Variants in MCC observed in about 807,000 individuals in gnomAD.
MCC encodes the protein colorectal mutant cancer protein.
Under a neutral mutation model 116.2 loss-of-function variants are expected in MCC, and 90 were observed. The ratio of observed to expected loss-of-function variants is 0.77; its 90% CI spans 0.65 to 0.92. The LOEUF (loss-of-function observed/expected upper bound fraction) is 0.92, where lower values mean the gene tolerates loss of function less well. Among genes scored for constraint, MCC ranks in the 40% least tolerant of loss-of-function variants. The pLI, the probability that MCC is intolerant of heterozygous loss-of-function variation, is 0.00. For missense variants in MCC, 1,516 were observed against 1,312.2 expected, an observed-to-expected ratio of 1.16 and a Z score of -2.40; for synonymous variants, 578 against 510.5, an observed-to-expected ratio of 1.13 and a Z score of -1.78.
chr5:113,079,539 C>G (rs979700956), intron 11 of MCC, among the ~76,000 whole-genome samples: 11 of 152,084 alleles, frequency 7.2e-5, no homozygotes, highest in African/African-American at 2.7e-4. Context: ...ACAAACCTGC[C>G]AAAAACAAGA....
At chr5:113,093,982 A>C (rs1488355843) in intron 8 of MCC, among the ~76,000 whole-genome samples, 1 of 152,198 alleles carries the variant, frequency 6.6e-6, no homozygotes, top group Non-Finnish European at 1.5e-5. Context: ...GAATGGTGAG[A>C]ATCACTAGGC....
chr5:113,421,880 T>C (rs891201057), intron 1 of MCC, among the ~76,000 whole-genome samples: 3 of 152,220 alleles, frequency 2.0e-5, no homozygotes, highest in Non-Finnish European at 4.4e-5. Flanking sequence ...GATTTGCTAT[T>C]TTCTTCACCA....
At chr5:113,123,879 T>C (rs955021216) in intron 5 of MCC, among the ~76,000 whole-genome samples, 6 of 152,200 alleles carry the variant, frequency 3.9e-5, no homozygotes, top group Non-Finnish European at 8.8e-5. Context: ...AGCCTGGCAT[T>C]CATTTTAAGT....
chr5:113,071,466 T>C (rs578214092), intron 11 of MCC, among the ~76,000 whole-genome samples: 5 of 152,142 alleles, frequency 3.3e-5, no homozygotes, highest in African/African-American at 4.8e-5. Flanking sequence ...CCCCCAGCCA[T>C]TGCCACACTC....
intron 1 of MCC, among the ~76,000 whole-genome samples, chr5:113,402,156 T>C (rs997173756): frequency 2.6e-5 from 4 of 152,076 alleles, no homozygotes; most frequent in Admixed American, 2.6e-4. Flanking sequence ...TAGCCCGACG[T>C]AGTGGCAGGC....
At chr5:113,473,485 C>T (rs1294231139) in intron 1 of MCC, among the ~76,000 whole-genome samples, 1 of 152,122 alleles carries the variant, frequency 6.6e-6, no homozygotes, top group African/African-American at 2.4e-5. Flanking sequence ...AATCACACTA[C>T]TATGCTCTAT....
At chr5:113,323,393 C>T (rs929140540) in intron 3 of MCC, 1 of 152,370 alleles carries the variant, frequency 6.6e-6, no homozygotes, top group East Asian at 1.9e-4. Flanking sequence ...CCTACTTAAA[C>T]AGGTGGTCAG....
At chr5:113,240,606 C>G (rs1027647121) in intron 3 of MCC, among the ~76,000 whole-genome samples, 2 of 152,176 alleles carry the variant, frequency 1.3e-5, no homozygotes, top group African/African-American at 4.8e-5. Context: ...CTATTTACAG[C>G]AAGGATGGTT....
At chr5:113,381,203 G>A (rs1464008676) in intron 2 of MCC, among the ~76,000 whole-genome samples, 8 of 152,292 alleles carry the variant, frequency 5.3e-5, no homozygotes, top group East Asian at 1.9e-4. Context: ...TTTTGCACGC[G>A]AGACAGTGGG....
At chr5:113,470,575 T>C (rs1489582504) in intron 1 of MCC, among the ~76,000 whole-genome samples, 1 of 152,200 alleles carries the variant, frequency 6.6e-6, no homozygotes, top group Non-Finnish European at 1.5e-5. Context: ...GGGCTTCCCT[T>C]TGTGGGTAAC....
intron 3 of MCC, among the ~76,000 whole-genome samples, chr5:113,171,751 G>T (rs1761083829): frequency 6.6e-6 from 1 of 152,120 alleles, no homozygotes; most frequent in Admixed American, 6.5e-5. Context: ...TCCAAGAACG[G>T]AAGCAGCTGT....
chr5:113,414,424 AG>A (rs1187019030), intron 1 of MCC, among the ~76,000 whole-genome samples: 3 of 152,204 alleles, frequency 2.0e-5, no homozygotes, highest in Non-Finnish European at 4.4e-5. Context: ...TAGGTCTCTA[AG>A]GACTTGCTTT....
At chr5:113,451,529 G>A (rs1332793469) in intron 1 of MCC, among the ~76,000 whole-genome samples, 2 of 152,184 alleles carry the variant, frequency 1.3e-5, no homozygotes, top group East Asian at 3.9e-4. Flanking sequence ...GAGTTCGGGA[G>A]TTCAAGACCA....
intron 6 of MCC, among the ~76,000 whole-genome samples, chr5:113,115,750 C>T (rs1027163667): frequency 3.9e-5 from 6 of 152,098 alleles, no homozygotes; most frequent in African/African-American, 9.7e-5. Flanking sequence ...TTCAAATCTA[C>T]GTATAATCAT....
chr5:113,457,670 G>A (rs1297846400), intron 1 of MCC, among the ~76,000 whole-genome samples: 3 of 151,164 alleles, frequency 2.0e-5, no homozygotes, highest in East Asian at 2.0e-4. Context: ...TACACCAATC[G>A]GCACTCTGTA....
chr5:113,210,304 T>C (rs1763080719), intron 3 of MCC, among the ~76,000 whole-genome samples: 1 of 152,214 alleles, frequency 6.6e-6, no homozygotes, highest in Non-Finnish European at 1.5e-5. Context: ...AATTCTCTCT[T>C]AAATATTTAT....
intron 2 of MCC, among the ~76,000 whole-genome samples, chr5:113,351,974 A>T (rs1372740155): frequency 6.6e-6 from 1 of 152,206 alleles, no homozygotes; most frequent in Non-Finnish European, 1.5e-5. Flanking sequence ...CTCTATATTA[A>T]TCAGCAAGAT....
At chr5:113,294,643 G>GGAGCCCGCGCGGGGAC in intron 3 of MCC, 2 of 1,113,736 alleles carry the variant, frequency 1.8e-6, no homozygotes, top group Non-Finnish European at 2.2e-6. Flanking sequence ...CGGCAGCGGC[G>GGAGCCCGCGCGGGGAC]GAGCCCGCGC....
chr5:113,066,623 C>T (rs79808339), intron 13 of MCC, among the ~76,000 whole-genome samples: 8,188 of 152,262 alleles, frequency 0.054, 278 homozygotes, highest in East Asian at 0.11. Context: ...GCTTCAGATT[C>T]CTGTGCAAGT....
Sources: allele counts gnomAD v4.1 joint callset (sites outside exome capture counted in the v4.1 genomes callset), GRCh38; gene constraint gnomAD v4.1.1; transcripts MANE v1.5; gene names NCBI Gene and HGNC (gene_info 2026-07-23, HGNC 2026-07-21).